SNRPB: variants seen among roughly 807,000 people sequenced by gnomAD.
The protein encoded by SNRPB is small nuclear ribonucleoprotein polypeptides B and B1.
SNRPB carries 5 observed loss-of-function variants against 26.6 expected under a neutral mutation model. That is an observed-to-expected ratio of 0.19 (90% CI 0.10 to 0.39). The LOEUF is 0.39. SNRPB is among the 10% of genes least tolerant of loss of function. SNRPB has a pLI of 1.00. For synonymous variants in SNRPB, 122 were observed against 105.8 expected, an observed-to-expected ratio of 1.15 and a Z score of -0.94; for missense variants, 211 against 311.9, an observed-to-expected ratio of 0.68 and a Z score of 2.44.
Position 2,463,238 on chromosome 20 carries a change from A to G in SNRPB, c.421-11T>C. ...TTGTGGGGTCATCACCTAAGAGGAC[A>G]TAAGAAGAAAGAGTTAGAAGAGTAC... is the stretch of plus-strand genomic sequence containing the variant. On this transcript the variant is annotated splice_polypyrimidine_tract_variant and intron_variant, in intron 4 of 6. Transcript: ENST00000381342. This position sits in a 1 kb window ranked among gnomAD's most constrained non-coding sequence, Gnocchi z 5.0. 1 of 1,606,104 alleles carries G rather than the reference A, an allele frequency of 6.2e-7. No individual in the cohort carries two copies. Among genetic ancestry groups the G allele is most frequent in the Admixed American group, 1.7e-5 (1 of 60,026 alleles).
rs1335987637 is a variant in SNRPB at position 2,463,887 on chromosome 20, G to C, written c.280C>G (p.Arg94Gly). 4 of 1,613,148 alleles carry C rather than the reference G, an allele frequency of 2.5e-6. No individual in the cohort carries two copies. The highest frequency in any genetic ancestry group is 3.4e-6 in the Non-Finnish European group (4 of 1,179,468). ...CCGGCAGCTCCAGCAAGTGGAACTC[G>C]AGCAATACCAGTCTGAAAAATAAAC... ...GPPPKDTGIA[R>G]VPLAGAAGGP... The change falls in exon 4 of 7, where the codon CGA (arginine) becomes GGA (glycine). Residue 94 changes from arginine (R) to glycine (G), a missense_variant. Physicochemically the swap from Arg to Gly is moderately radical, Grantham distance 125 (BLOSUM62 -2). Coordinates refer to ENST00000381342, the MANE Select transcript of SNRPB (RefSeq NM_003091.4). This position sits in a 1 kb window ranked among gnomAD's most constrained non-coding sequence, Gnocchi z 5.0.
chr20:2,466,819 C>T (rs1200667574), intron 2 of SNRPB, among the ~76,000 whole-genome samples: 11 of 152,192 alleles, frequency 7.2e-5, no homozygotes, highest in Non-Finnish European at 1.5e-4. Context: ...TACCTGGCAC[C>T]AAGGCATCCC....
rs2085051003 is a variant in SNRPB at position 2,463,630 on chromosome 20, C to T, written c.420+117G>A. On this transcript the variant is annotated intron_variant, in intron 4 of 6. Transcript: ENST00000381342. The surrounding 1 kb of genome is among the most constrained non-coding windows in gnomAD (Gnocchi z 5.0). ...GGGCCATGTATAAACCACAGTGAAA[C>T]ACTGATAGTCTGACAATCACAGGTT... The T allele has an allele frequency of 1.3e-6, 1 of 754,918 alleles. No homozygotes were observed. The highest frequency in any genetic ancestry group is 2.6e-5 in the Admixed American group (1 of 38,860). The allele number at this position is 754,918 out of a possible 1,614,324, so 46.8% of individuals were successfully genotyped here.
chr20:2,470,305 C>T (rs1288433216), intron 1 of SNRPB, among the ~76,000 whole-genome samples: 1 of 89,828 alleles, frequency 1.1e-5, no homozygotes, highest in Non-Finnish European at 3.3e-5. Flanking sequence ...TCACAAACTT[C>T]CGCAAGTCTG....
Position 2,470,718 on chromosome 20 carries a change from C to A in SNRPB, c.-28G>T. 6.2e-7 allele frequency: 1 copy of A among 1,612,592 alleles called. No individual in the cohort carries two copies. The highest frequency in any genetic ancestry group is 1.1e-5 in the South Asian group (1 of 91,060). ...TGGCGGTTCTGATGGCTCTGATACC[C>A]GCCGGATTCGCCTCCTCAGAGGCCT... On this transcript the variant is annotated 5_prime_UTR_variant, in exon 1 of 7. Transcript: ENST00000381342.
Position 2,470,673 on chromosome 20 carries a change from C to G in SNRPB, c.3+15G>C, listed in dbSNP as rs200728923. ...ACTCGGAAGCTCCCGCGCCGCCAGC[C>G]TGTGCCCTCCTTACCATGGTGGCGG... On this transcript the variant is annotated intron_variant, in intron 1 of 6. Transcript: ENST00000381342. 13 of 1,613,752 alleles carry G rather than the reference C, an allele frequency of 8.1e-6. No individual in the cohort carries two copies. The East Asian group carries it at 1.8e-4, about 22-fold the overall frequency.
chr20:2,470,773 G>A lies in SNRPB; in HGVS notation c.-83C>T, dbSNP rs920622306. The A allele has an allele frequency of 1.9e-5, 30 of 1,543,108 alleles. 1 individual carries two copies. Among genetic ancestry groups the A allele is most frequent in the Admixed American group, 3.4e-5 (2 of 59,468 alleles). On this transcript the variant is annotated 5_prime_UTR_variant, in exon 1 of 7. Coordinates refer to ENST00000381342, the MANE Select transcript of SNRPB (RefSeq NM_003091.4). ...TCTCTCCCACAGCCGATTTCCCGCC[G>A]CCGCTACCGGAAATGCAGCACCACG...
At position 2,468,366 on chromosome 20, in the gene SNRPB, A is replaced by C. The variant is rs552907907; in HGVS notation, c.4-608T>G. On this transcript the variant is annotated intron_variant, in intron 1 of 6. Transcript: ENST00000381342. ...ACATATAATGGTCTTTAACCCAACA[A>C]ACATTTCTGCTTTCATAACCTGGGT... Among the ~76,000 whole-genome samples, 361 of 152,320 alleles carry C rather than the reference A, an allele frequency of 2.4e-3. 1 individual carries two copies. The highest frequency in any genetic ancestry group is 4.0e-3 in the Non-Finnish European group (272 of 68,030).
chr20:2,462,779 C>T lies in SNRPB; in HGVS notation c.560-18G>A. Reference sequence around the variant, plus strand: ...CATCATGCCTGCAAGAGAAAAGCCCCAAGAATATAGCTCAAGTGTCTATCT... The same window carrying T: ...CATCATGCCTGCAAGAGAAAAGCCCTAAGAATATAGCTCAAGTGTCTATCT... On this transcript the variant is annotated intron_variant, in intron 5 of 6. Transcript: ENST00000381342. 6.6e-7 allele frequency: 1 copy of T among 1,519,240 alleles called. No homozygotes were observed. Among genetic ancestry groups the T allele is most frequent in the Non-Finnish European group, 8.8e-7 (1 of 1,135,214 alleles). The allele number at this position is 1,519,240 out of a possible 1,614,324, so 94.1% of individuals were successfully genotyped here.
chr20:2,465,858 G>T, intron 2 of SNRPB, 39 bp from the exon 3 acceptor site: 1 of 1,531,478 alleles, frequency 6.5e-7, no homozygotes, highest in Non-Finnish European at 9.0e-7. Context: ...AAGTGTTAGA[G>T]GTGGGTAAAG....
rs1340664816 is a variant in SNRPB at position 2,463,507 on chromosome 20, G to A, written c.420+240C>T. 6.6e-6 allele frequency among the ~76,000 whole-genome samples: 1 copy of A among 152,192 alleles called. No individual in the cohort carries two copies. The highest frequency in any genetic ancestry group is 2.4e-5 in the African/African-American group (1 of 41,442). ...GACTCATGATTTCAAATGCTGTCAT[G>A]GAAATATTTTCCTTAAATACAGTTG... On this transcript the variant is annotated intron_variant, in intron 4 of 6. Transcript: ENST00000381342. The surrounding 1 kb of genome is among the most constrained non-coding windows in gnomAD (Gnocchi z 5.0).
Position 2,463,170 on chromosome 20 carries a change from T to C in SNRPB, c.478A>G (p.Ser160Gly). The C allele has an allele frequency of 6.2e-7, 1 of 1,612,614 alleles. No homozygotes were observed. The highest frequency in any genetic ancestry group is 1.3e-5 in the African/African-American group (1 of 75,018). The change falls in exon 5 of 7, where the codon AGT becomes GGT. Residue 160 changes from serine to glycine, a missense_variant. Transcript: ENST00000381342. This position sits in a 1 kb window ranked among gnomAD's most constrained non-coding sequence, Gnocchi z 5.0. ...TACTGGGTTGGAGCCCCGGCAATACTGGCTGTGGCAGCAGCTGCAGCGGCT... is the reference window on the plus strand; with the variant it reads ...TACTGGGTTGGAGCCCCGGCAATACCGGCTGTGGCAGCAGCTGCAGCGGCT... Reference protein sequence around the residue: ...VAAAAAAATASIAGAPTQYPP... With the variant: ...VAAAAAAATAGIAGAPTQYPP...
rs1410339189 is a variant in SNRPB, at chr20:2,463,486, C to T, written c.421-259G>A. ...GGCAACTGCATTTTCAAATATGACT[C>T]ATGATTTCAAATGCTGTCATGGAAA... is the stretch of plus-strand genomic sequence containing the variant. On this transcript the variant is annotated intron_variant, in intron 4 of 6. Transcript: ENST00000381342. This position sits in a 1 kb window ranked among gnomAD's most constrained non-coding sequence, Gnocchi z 5.0. Among the ~76,000 whole-genome samples, 15 of 152,244 alleles carry T rather than the reference C, an allele frequency of 9.9e-5. No individual in the cohort carries two copies. Among genetic ancestry groups the T allele is most frequent in the Admixed American group, 8.5e-4 (13 of 15,284 alleles).
At position 2,463,965 on chromosome 20, in the gene SNRPB, T is replaced by C. The variant is rs2085054452; in HGVS notation, c.268-66A>G. On this transcript the variant is annotated intron_variant, in intron 3 of 6. Transcript: ENST00000381342. This position sits in a 1 kb window ranked among gnomAD's most constrained non-coding sequence, Gnocchi z 5.0. ...AAGATCAGAAGTATACTTTGGAATA[T>C]CATTGCCAAGAGAGCCCCTCGAAAT... The C allele has an allele frequency of 1.3e-5, 18 of 1,413,318 alleles. No homozygotes were observed. In the Admixed American group the frequency reaches 2.4e-4, roughly 19 times the overall value. 87.5% of individuals were successfully genotyped at this position (1,413,318 alleles called of 1,614,324 possible). A position where few individuals can be genotyped will look rare whatever the true frequency, so the allele number is the denominator to read the frequency against.
intron 1 of SNRPB, among the ~76,000 whole-genome samples, chr20:2,469,214 T>C (rs759245637): frequency 1.3e-4 from 20 of 152,342 alleles, no homozygotes; most frequent in Admixed American, 2.6e-4. Flanking sequence ...TTAAGTAACT[T>C]GCCCAGTTTC....
chr20:2,466,534 G>T (rs984669502), intron 2 of SNRPB, among the ~76,000 whole-genome samples: 1 of 152,092 alleles, frequency 6.6e-6, no homozygotes, highest in African/African-American at 2.4e-5. Context: ...TTTAAAAAAA[G>T]AACTCAAAAG....
intron 1 of SNRPB, 87 bp from the exon 2 acceptor site, chr20:2,467,845 T>C (rs909955094): frequency 1.6e-6 from 2 of 1,220,304 alleles, no homozygotes; most frequent in African/African-American, 3.0e-5. Context: ...ATGGCGTTCT[T>C]GTCCATGTGT....
At chr20:2,470,620 A>G (rs2085107755) in intron 1 of SNRPB, 68 bp downstream of exon 1, 1 of 1,603,298 alleles carries the variant, frequency 6.2e-7, no homozygotes, top group Middle Eastern at 1.7e-4. Context: ...TTCCTCCCCG[A>G]TCAGTCGCGG....
At position 2,462,671 on chromosome 20, in the gene SNRPB, G is replaced by A. The variant is rs2085043448; in HGVS notation, c.650C>T (p.Pro217Leu). ...AGGGGGAGGAGGCCGCATTCCCGGAGGGGGCATGCCCATTGGAGTCCCTCT... is the reference window on the plus strand; with the variant it reads ...AGGGGGAGGAGGCCGCATTCCCGGAAGGGGCATGCCCATTGGAGTCCCTCT... ...PGRGTPMGMP[P>L]PGMRPPPPGM... The change falls in exon 6 of 7, where the codon CCT (proline) becomes CTT (leucine). Residue 217 changes from proline to leucine, a missense_variant. Pro to Leu is a moderately conservative substitution (Grantham distance 98, BLOSUM62 -3). Coordinates refer to ENST00000381342, the MANE Select transcript of SNRPB (RefSeq NM_003091.4). 2 of 1,610,304 alleles carry A rather than the reference G, an allele frequency of 1.2e-6. No homozygotes were observed. The highest frequency in any genetic ancestry group is 8.5e-7 in the Non-Finnish European group (1 of 1,176,720).
Sources: allele counts gnomAD v4.1 joint callset (sites outside exome capture counted in the v4.1 genomes callset), GRCh38; gene constraint gnomAD v4.1.1; non-coding constraint Gnocchi (gnomAD v3.1); transcripts MANE v1.5; gene names NCBI Gene and HGNC (gene_info 2026-07-23, HGNC 2026-07-21).